The following CALCRL variants were observed in gnomAD, a reference collection of about 807,000 sequenced individuals.
CALCRL encodes the protein calcitonin receptor like receptor, also known as calcitonin gene-related peptide type 1 receptor.
Under a neutral mutation model 60.4 loss-of-function variants are expected in CALCRL, and 27 were observed. The ratio of observed to expected loss-of-function variants is 0.45; its 90% CI spans 0.33 to 0.62. The LOEUF (loss-of-function observed/expected upper bound fraction) is 0.62, where lower values mean the gene tolerates loss of function less well. Among genes scored for constraint, CALCRL ranks in the 20% least tolerant of loss-of-function variants. CALCRL has a pLI of 0.03. For synonymous variants in CALCRL, 190 were observed against 182.6 expected (o/e 1.04, Z -0.33); for missense variants, 424 against 540.7 (o/e 0.78, Z 2.14).
intron 1 of CALCRL, among the ~76,000 whole-genome samples, chr2:187,398,129 G>GA (rs1688736631): frequency 6.6e-6 from 1 of 151,388 alleles, no homozygotes; most frequent in Non-Finnish European, 1.5e-5. Context: ...AAGGGAGCCT[G>GA]AAAAAAATGC....
chr2:187,349,180 C>G (rs116207129), intron 14 of CALCRL, among the ~76,000 whole-genome samples: 4,936 of 151,598 alleles, frequency 0.033, 219 homozygotes, highest in African/African-American at 0.096. Flanking sequence ...TAAATATAAC[C>G]TTCTGATGAC....
intron 1 of CALCRL, among the ~76,000 whole-genome samples, chr2:187,405,686 T>A (rs1280788081): frequency 1.3e-5 from 2 of 152,062 alleles, no homozygotes; most frequent in African/African-American, 4.8e-5. Context: ...AGGTGTGGGA[T>A]TCATTACCTG....
intron 1 of CALCRL, among the ~76,000 whole-genome samples, chr2:187,446,868 T>C (rs748250761): frequency 6.6e-6 from 1 of 151,944 alleles, no homozygotes; most frequent in Non-Finnish European, 1.5e-5. Context: ...AGGATGTTTG[T>C]AGTCTATTAT....
intron 1 of CALCRL, among the ~76,000 whole-genome samples, chr2:187,418,482 C>A (rs1380876015): frequency 1.3e-5 from 2 of 152,034 alleles, no homozygotes; most frequent in Non-Finnish European, 2.9e-5. Flanking sequence ...CTTTCATTAG[C>A]CTATATATTC....
chr2:187,391,780 A>G (rs1449112247), intron 1 of CALCRL, among the ~76,000 whole-genome samples: 2 of 152,126 alleles, frequency 1.3e-5, no homozygotes, highest in Non-Finnish European at 2.9e-5. Context: ...TAAAAATGAT[A>G]TATTTCATCA....
At chr2:187,388,608 G>A (rs1688301781) in intron 1 of CALCRL, among the ~76,000 whole-genome samples, 1 of 151,916 alleles carries the variant, frequency 6.6e-6, no homozygotes, top group African/African-American at 2.4e-5. Flanking sequence ...TATTTCCCAT[G>A]CAATTTAATC....
At chr2:187,438,951 T>C in intron 1 of CALCRL, among the ~76,000 whole-genome samples, 1 of 152,240 alleles carries the variant, frequency 6.6e-6, no homozygotes, top group East Asian at 1.9e-4. Context: ...GTAATTTTAC[T>C]CTGGCATCTC....
chr2:187,437,842 T>A (rs1690719316), intron 1 of CALCRL, among the ~76,000 whole-genome samples: 1 of 152,284 alleles, frequency 6.6e-6, no homozygotes, highest in East Asian at 1.9e-4. Flanking sequence ...AGAGAGTTAT[T>A]TAATCCAAAC....
At chr2:187,418,561 A>C (rs1689718869) in intron 1 of CALCRL, among the ~76,000 whole-genome samples, 1 of 152,260 alleles carries the variant, frequency 6.6e-6, no homozygotes, top group East Asian at 1.9e-4. Flanking sequence ...AATCTTCCTA[A>C]GGGTATAGGT....
At position 187,344,612 on chromosome 2, in the gene CALCRL, A is replaced by C. The variant is rs1460802655; in HGVS notation, c.*1572T>G. On this transcript the variant is annotated 3_prime_UTR_variant, in exon 15 of 15. Transcript: ENST00000392370. ...TTCTATCTTTATTTAATAAAGTCTG[A>C]CAATAATTCAGTAAGATCTGACAAT... The C allele has an allele frequency of 6.6e-6, 1 of 151,704 alleles. No individual in the cohort carries two copies. Among genetic ancestry groups the C allele is most frequent in the Non-Finnish European group, 1.5e-5 (1 of 67,706 alleles). The allele number at this position is 151,704 out of a possible 1,614,324, so 9.4% of individuals were successfully genotyped here. A position where few individuals can be genotyped will look rare whatever the true frequency, so the allele number is the denominator to read the frequency against.
intron 8 of CALCRL, among the ~76,000 whole-genome samples, chr2:187,365,776 C>T (rs895238332): frequency 4.6e-5 from 7 of 152,104 alleles, no homozygotes; most frequent in Non-Finnish European, 7.3e-5. Flanking sequence ...GAGGACACTA[C>T]ATTAAATGAA....
At chr2:187,415,752 C>G (rs1461702607) in intron 1 of CALCRL, 1 of 503,234 alleles carries the variant, frequency 2.0e-6, no homozygotes, top group Non-Finnish European at 3.6e-6. Flanking sequence ...TTGCTCTCAA[C>G]GACCACTTTG....
chr2:187,430,831 T>C (rs1298720575), intron 1 of CALCRL, among the ~76,000 whole-genome samples: 1 of 152,124 alleles, frequency 6.6e-6, no homozygotes, highest in Admixed American at 6.6e-5. Context: ...AAAAGGAACT[T>C]AGTTCAAATG....
rs553910398 is a variant in CALCRL at position 187,345,927 on chromosome 2, G to C, written c.*257C>G. 2.3e-5 allele frequency: 7 copies of C among 302,032 alleles called. No individual in the cohort carries two copies. Among genetic ancestry groups the C allele is most frequent in the African/African-American group, 1.5e-4 (7 of 46,124 alleles). 18.7% of individuals were successfully genotyped at this position (302,032 alleles called of 1,614,324 possible). A position where few individuals can be genotyped will look rare whatever the true frequency, so the allele number is the denominator to read the frequency against. ...TGTGCTTTTCTCCAATTCCACACTT[G>C]GTGATGTCAGGTTAGTAGCGTCACA... On this transcript the variant is annotated 3_prime_UTR_variant, in exon 15 of 15. Coordinates refer to ENST00000392370, the MANE Select transcript of CALCRL (RefSeq NM_005795.6).
At chr2:187,400,944 G>A (rs1574278357) in intron 1 of CALCRL, among the ~76,000 whole-genome samples, 1 of 151,498 alleles carries the variant, frequency 6.6e-6, no homozygotes, top group East Asian at 1.9e-4. Flanking sequence ...TAATGAATGT[G>A]TTCGAAAATG....
At chr2:187,425,815 A>G (rs1260871292) in intron 1 of CALCRL, among the ~76,000 whole-genome samples, 1 of 152,022 alleles carries the variant, frequency 6.6e-6, no homozygotes, top group Non-Finnish European at 1.5e-5. Context: ...GATCAGTTGT[A>G]AAGCATGTAA....
At chr2:187,400,172 T>C (rs1688827562) in intron 1 of CALCRL, among the ~76,000 whole-genome samples, 1 of 151,444 alleles carries the variant, frequency 6.6e-6, no homozygotes, top group South Asian at 2.1e-4. Context: ...CACTACACAT[T>C]GTATGTATTG....
intron 1 of CALCRL, among the ~76,000 whole-genome samples, chr2:187,402,870 T>C (rs938815963): frequency 6.6e-6 from 1 of 151,778 alleles, no homozygotes; most frequent in Admixed American, 6.6e-5. Context: ...AAAATTTTCA[T>C]TTTAGAAACA....
intron 1 of CALCRL, among the ~76,000 whole-genome samples, chr2:187,412,069 C>CAG (rs1177631596): frequency 6.6e-6 from 1 of 150,674 alleles, no homozygotes; most frequent in African/African-American, 2.4e-5. Context: ...GACAGAGATG[C>CAG]AGAGGAGGAA....
Sources: gnomAD v4.1 joint callset for allele counts (sites outside exome capture counted in the v4.1 genomes callset) on GRCh38, gnomAD v4.1.1 for gene constraint, MANE v1.5 for transcripts, NCBI Gene and HGNC (gene_info 2026-07-23, HGNC 2026-07-21) for gene names.